ABL1: variants seen among roughly 807,000 people sequenced by gnomAD.
The protein encoded by ABL1 is ABL proto-oncogene 1, non-receptor tyrosine kinase.
ABL1 carries 11 observed loss-of-function variants against 94.7 expected under a neutral mutation model. The ratio of observed to expected loss-of-function variants is 0.12; its 90% confidence interval spans 0.07 to 0.19. The LOEUF is 0.19. Among genes scored for constraint, ABL1 ranks in the 10% least tolerant of loss-of-function variants. The pLI is 1.00. For missense variants in ABL1, 1,082 were observed against 1,489.4 expected (o/e 0.73, Z 4.50); for synonymous variants, 656 against 622.4 (o/e 1.05, Z -0.80).
intron 1 of ABL1, among the ~76,000 whole-genome samples, chr9:130,826,642 G>A (rs2132886218): frequency 6.6e-6 from 1 of 152,264 alleles, no homozygotes; most frequent in South Asian, 2.1e-4. Context: ...ACAGAAAGCA[G>A]GGGATGAGGC....
At chr9:130,794,705 T>C (rs1222581668) in intron 1 of ABL1, among the ~76,000 whole-genome samples, 1 of 152,222 alleles carries the variant, frequency 6.6e-6, no homozygotes, top group African/African-American at 2.4e-5. Context: ...CCTGACTTCA[T>C]AAAGGCCCAG....
In ABL1 at chr9:130,884,566, A is replaced by C. The variant is rs1831531265; in HGVS notation, c.2276A>C (p.Lys759Thr). 6.2e-7 allele frequency: 1 copy of C among 1,613,248 alleles called. No individual in the cohort carries two copies. Among genetic ancestry groups the C allele is most frequent in the Non-Finnish European group, 8.5e-7 (1 of 1,180,026 alleles). The change falls in exon 11 of 11, where the codon AAG becomes ACG. Residue 759 changes from lysine to threonine, a missense_variant. Physicochemically the swap from Lys to Thr is moderately conservative, Grantham distance 78 (BLOSUM62 -1). Coordinates refer to ENST00000318560, the MANE Select transcript of ABL1 (RefSeq NM_005157.6). This position sits in a 1 kb window ranked among gnomAD's most constrained non-coding sequence, Gnocchi z 5.6. ...SSTFGGHKSE[K>T]PALPRKRAGE... is the part of the protein sequence containing the mutation. ...ACATTTGGAGGGCACAAAAGTGAGA[A>C]GCCGGCTCTGCCTCGGAAGAGGGCA...
At chr9:130,761,119 ATT>A (rs1183681587) in intron 1 of ABL1, among the ~76,000 whole-genome samples, 1 of 151,124 alleles carries the variant, frequency 6.6e-6, no homozygotes, top group Non-Finnish European at 1.5e-5. Flanking sequence ...GGCTACTAAT[ATT>A]TTGTTTTCGG....
intron 3 of ABL1, among the ~76,000 whole-genome samples, chr9:130,860,889 T>A (rs1244635197): frequency 6.6e-6 from 1 of 152,190 alleles, no homozygotes; most frequent in Non-Finnish European, 1.5e-5. Flanking sequence ...TCCGTTTTCT[T>A]TGTGTGCAGC....
intron 1 of ABL1, among the ~76,000 whole-genome samples, chr9:130,771,823 G>A (rs1317103793): frequency 1.4e-5 from 2 of 146,914 alleles, no homozygotes; most frequent in Non-Finnish European, 3.0e-5. Flanking sequence ...GCAGAATCTT[G>A]GCTCACTGCA....
chr9:130,817,342 C>T (rs948198640), intron 1 of ABL1, among the ~76,000 whole-genome samples: 18 of 152,172 alleles, frequency 1.2e-4, no homozygotes, highest in African/African-American at 3.9e-4. Context: ...TAAATATTTG[C>T]CCTGGCATGC....
chr9:130,851,744 A>T (rs1365764749), intron 1 of ABL1, among the ~76,000 whole-genome samples: 2 of 149,568 alleles, frequency 1.3e-5, no homozygotes, highest in African/African-American at 4.9e-5. Context: ...TTCTTTTCAA[A>T]TTAGAATTTT....
chr9:130,735,477 GTT>G (rs556969254), intron 1 of ABL1, among the ~76,000 whole-genome samples: 1 of 143,904 alleles, frequency 6.9e-6, no homozygotes. Context: ...TTTGTGTGTG[GTT>G]TTTTTTTTTT....
intron 1 of ABL1, among the ~76,000 whole-genome samples, chr9:130,799,288 A>T (rs1830024653): frequency 6.6e-6 from 1 of 152,212 alleles, no homozygotes; most frequent in African/African-American, 2.4e-5. Context: ...AAAATGCATG[A>T]AGTGTGACCA....
intron 1 of ABL1, among the ~76,000 whole-genome samples, chr9:130,807,987 C>T (rs1346474390): frequency 6.6e-6 from 1 of 150,996 alleles, no homozygotes; most frequent in Non-Finnish European, 1.5e-5. Flanking sequence ...GCGTGAGCCA[C>T]TGTGCCTGCC....
intron 1 of ABL1, among the ~76,000 whole-genome samples, chr9:130,807,665 A>ATT: frequency 1.1e-5 from 1 of 93,840 alleles, no homozygotes; most frequent in African/African-American, 4.3e-5. Flanking sequence ...ACATTCCTTA[A>ATT]TTTTATATAT....
chr9:130,771,195 A>T (rs993579923), intron 1 of ABL1, among the ~76,000 whole-genome samples: 3 of 151,952 alleles, frequency 2.0e-5, no homozygotes, highest in Non-Finnish European at 4.4e-5. Context: ...AGTATTAGGC[A>T]TGGAGTTGAT....
intron 1 of ABL1, among the ~76,000 whole-genome samples, chr9:130,752,179 ATAAGT>A (rs1322828863): frequency 2.0e-5 from 3 of 152,222 alleles, no homozygotes; most frequent in African/African-American, 4.8e-5. Flanking sequence ...CATTAACCAG[ATAAGT>A]TAAGTGATGA....
Position 130,884,181 on chromosome 9 carries a change from A to AAG in ABL1, c.1891_1892insAG (p.Arg631LysfsTer64). 1 of 1,612,762 alleles carries AAG rather than the reference A, an allele frequency of 6.2e-7. No individual in the cohort carries two copies. The highest frequency in any genetic ancestry group is 8.5e-7 in the Non-Finnish European group (1 of 1,179,806). ...GGAGATGGACGGCCAGCCGGAGCGCAGAGGGGCCGGCGAGGAAGAGGGCCG... is the reference window on the plus strand; with the variant it reads ...GGAGATGGACGGCCAGCCGGAGCGCAAGGAGGGGCCGGCGAGGAAGAGGGCCG... On this transcript the variant is annotated frameshift_variant, in exon 11 of 11. Transcript: ENST00000318560. LOFTEE classifies it high-confidence loss of function. This position sits in a 1 kb window ranked among gnomAD's most constrained non-coding sequence, Gnocchi z 5.6.
At chr9:130,760,720 T>C (rs1832100986) in intron 1 of ABL1, among the ~76,000 whole-genome samples, 1 of 151,540 alleles carries the variant, frequency 6.6e-6, no homozygotes, top group Admixed American at 6.6e-5. Flanking sequence ...TGGAGTGCAG[T>C]GGCGCGATCT....
At chr9:130,723,319 C>A (rs1322877221) in intron 1 of ABL1, among the ~76,000 whole-genome samples, 1 of 152,032 alleles carries the variant, frequency 6.6e-6, no homozygotes, top group African/African-American at 2.4e-5. Context: ...CAAGGTGGGA[C>A]GGTCCTCTGA....
chr9:130,773,003 G>T (rs1832270639), intron 1 of ABL1, among the ~76,000 whole-genome samples: 1 of 152,150 alleles, frequency 6.6e-6, no homozygotes, highest in African/African-American at 2.4e-5. Context: ...AAGAAAAAAG[G>T]TAAATCCCCA....
At chr9:130,797,381 T>C (rs1007535760) in intron 1 of ABL1, among the ~76,000 whole-genome samples, 1 of 152,182 alleles carries the variant, frequency 6.6e-6, no homozygotes, top group Non-Finnish European at 1.5e-5. Context: ...TTGTTTGTTT[T>C]GTTTTTGTTT....
At chr9:130,748,778 T>G (rs1186864783) in intron 1 of ABL1, among the ~76,000 whole-genome samples, 2 of 152,112 alleles carry the variant, frequency 1.3e-5, no homozygotes, top group African/African-American at 4.8e-5. Flanking sequence ...GGTTTCGCCA[T>G]GTTGGCCAGG....
Sources: allele counts gnomAD v4.1 joint callset (sites outside exome capture counted in the v4.1 genomes callset), GRCh38; gene constraint gnomAD v4.1.1; non-coding constraint Gnocchi (gnomAD v3.1); transcripts MANE v1.5; gene names NCBI Gene and HGNC (gene_info 2026-07-23, HGNC 2026-07-21).